Variants in DLGAP2 observed in about 807,000 individuals in gnomAD.
The protein encoded by DLGAP2 is disks large-associated protein 2.
Under a neutral mutation model 100.3 loss-of-function variants are expected in DLGAP2, and 26 were observed. The observed-to-expected ratio is 0.26, with a 90% CI of 0.19 to 0.36. The LOEUF is 0.36. Ranked by LOEUF, DLGAP2 falls within the 10% of genes least tolerant of loss-of-function variation. DLGAP2 has a pLI of 1.00. For synonymous variants in DLGAP2, 886 were observed against 630.1 expected (o/e 1.41, Z -6.08); for missense variants, 1,858 against 1,453.2 (o/e 1.28, Z -4.53).
At chr8:1,469,699 TC>T (rs1798726019) in intron 3 of DLGAP2, among the ~76,000 whole-genome samples, 1 of 152,194 alleles carries the variant, frequency 6.6e-6, no homozygotes, top group Non-Finnish European at 1.5e-5. Context: ...GCCTGAGAAT[TC>T]TTTTTTGTAT....
intron 4 of DLGAP2, among the ~76,000 whole-genome samples, chr8:1,507,012 G>T (rs977018784): frequency 9.9e-5 from 15 of 152,242 alleles, no homozygotes; most frequent in African/African-American, 3.6e-4. Context: ...CCTTTTGCTA[G>T]ACACAGAGTT....
At chr8:1,475,648 G>A (rs933068300) in intron 3 of DLGAP2, among the ~76,000 whole-genome samples, 8 of 152,080 alleles carry the variant, frequency 5.3e-5, no homozygotes, top group South Asian at 2.1e-4. Flanking sequence ...TTGTCATCCC[G>A]GGACCCACCG....
chr8:1,565,553 C>T (rs895038028), intron 5 of DLGAP2, 130 bp from the exon 6 acceptor site: 6 of 732,788 alleles, frequency 8.2e-6, no homozygotes, highest in African/African-American at 1.8e-5. Context: ...ATACATCTGA[C>T]TTTAACTGAT....
chr8:1,329,780 T>G (rs552397695), intron 3 of DLGAP2, among the ~76,000 whole-genome samples: 6 of 152,286 alleles, frequency 3.9e-5, no homozygotes, highest in African/African-American at 1.4e-4. Flanking sequence ...TGAGCCCAAG[T>G]TAGCACTGCT....
intron 8 of DLGAP2, among the ~76,000 whole-genome samples, chr8:1,660,397 G>A (rs1393946675): frequency 6.6e-6 from 1 of 152,168 alleles, no homozygotes; most frequent in African/African-American, 2.4e-5. Context: ...CATTCAGAAT[G>A]CATGAGGGAT....
intron 3 of DLGAP2, among the ~76,000 whole-genome samples, chr8:1,332,967 C>A (rs1486360272): frequency 6.6e-6 from 1 of 152,186 alleles, no homozygotes; most frequent in Admixed American, 6.5e-5. Context: ...CTTCCACAAG[C>A]ATGTGGCCGC....
intron 3 of DLGAP2, among the ~76,000 whole-genome samples, chr8:1,428,844 A>C (rs1362884302): frequency 6.6e-6 from 1 of 152,226 alleles, no homozygotes; most frequent in South Asian, 2.1e-4. Flanking sequence ...TGCACGGTCT[A>C]CATCCAGCTG....
At chr8:1,101,764 CACGACACGACG>C (rs1189072215) in intron 2 of DLGAP2, among the ~76,000 whole-genome samples, 3 of 85,034 alleles carry the variant, frequency 3.5e-5, no homozygotes, top group African/African-American at 5.2e-5. Flanking sequence ...CTGAGCCGAA[CACGACACGACG>C]ATGGGAAGGT....
At chr8:1,334,678 C>T (rs1036246463) in intron 3 of DLGAP2, among the ~76,000 whole-genome samples, 21 of 152,218 alleles carry the variant, frequency 1.4e-4, no homozygotes, top group Middle Eastern at 3.4e-3. Flanking sequence ...TCGGCATTCT[C>T]GGCACTCCAG....
intron 2 of DLGAP2, among the ~76,000 whole-genome samples, chr8:972,660 C>T (rs1800043567): frequency 7.0e-6 from 1 of 142,230 alleles, no homozygotes; most frequent in Non-Finnish European, 1.5e-5. Flanking sequence ...TTGTGTGTTT[C>T]TCGCAGAGGG....
At chr8:1,644,045 G>C (rs190575219) in intron 8 of DLGAP2, among the ~76,000 whole-genome samples, 582 of 42,448 alleles carry the variant, frequency 0.014, 110 homozygotes, top group East Asian at 0.033. Context: ...TGTCACCCTC[G>C]AACCCGCCGG....
intron 2 of DLGAP2, among the ~76,000 whole-genome samples, chr8:920,848 G>A (rs563665762): frequency 1.2e-4 from 18 of 152,262 alleles, no homozygotes; most frequent in African/African-American, 4.3e-4. Context: ...CACTTTGCCC[G>A]AAAAACTCTG....
At chr8:1,082,034 C>G (rs1803828347) in intron 2 of DLGAP2, among the ~76,000 whole-genome samples, 1 of 152,156 alleles carries the variant, frequency 6.6e-6, no homozygotes, top group African/African-American at 2.4e-5. Flanking sequence ...AATGGCAGAG[C>G]CCCCTCTGTG....
chr8:1,218,727 G>T (rs904763819), intron 2 of DLGAP2, among the ~76,000 whole-genome samples: 2 of 152,020 alleles, frequency 1.3e-5, no homozygotes, highest in Non-Finnish European at 2.9e-5. Context: ...GATTAGTATG[G>T]CCATTTTACA....
chr8:1,346,264 G>T (rs1211691064), intron 3 of DLGAP2, among the ~76,000 whole-genome samples: 1 of 148,402 alleles, frequency 6.7e-6, no homozygotes, highest in African/African-American at 2.5e-5. Context: ...CATGGTAGCT[G>T]TGTGGATGTT....
At chr8:1,492,059 T>C (rs2130286553) in intron 3 of DLGAP2, among the ~76,000 whole-genome samples, 1 of 152,326 alleles carries the variant, frequency 6.6e-6, no homozygotes, top group Middle Eastern at 3.4e-3. Flanking sequence ...GTTGCTTCAT[T>C]AGTGACTTTG....
intron 1 of DLGAP2, among the ~76,000 whole-genome samples, chr8:878,043 C>A (rs1367880999): frequency 3.3e-5 from 5 of 152,190 alleles, no homozygotes; most frequent in African/African-American, 1.2e-4. Context: ...GGACCATTTT[C>A]AGAGACTGTA....
intron 1 of DLGAP2, among the ~76,000 whole-genome samples, chr8:749,961 C>T (rs1045401774): frequency 7.2e-5 from 11 of 152,216 alleles, no homozygotes; most frequent in African/African-American, 2.7e-4. Context: ...TCCTCTTCTC[C>T]TGGGGTCTCC....
At chr8:1,170,850 ATTTTTTGAAGGGTTT>A (rs1797113969) in intron 2 of DLGAP2, among the ~76,000 whole-genome samples, 1 of 144,676 alleles carries the variant, frequency 6.9e-6, no homozygotes, top group African/African-American at 2.5e-5. Flanking sequence ...GGATTCATTA[ATTTTTTGAAGGGTTT>A]TTTGTGTCTC....
Sources: gnomAD v4.1 joint callset for allele counts (sites outside exome capture counted in the v4.1 genomes callset) on GRCh38, gnomAD v4.1.1 for gene constraint, MANE v1.5 for transcripts, NCBI Gene and HGNC (gene_info 2026-07-23, HGNC 2026-07-21) for gene names.